The following RASGRF2 variants were observed in gnomAD, a reference collection of about 807,000 sequenced individuals.
RASGRF2 encodes ras-specific guanine nucleotide-releasing factor 2.
In RASGRF2, 76 loss-of-function variants were observed where a neutral mutation model predicts 151.0. The observed-to-expected ratio is 0.50, with a 90% CI of 0.42 to 0.61. The LOEUF is 0.61. Among genes scored for constraint, RASGRF2 ranks in the 20% least tolerant of loss-of-function variants. The probability of loss-of-function intolerance (pLI) is 0.00; values close to 1 mark genes in which losing one functional copy is unlikely to be tolerated. For synonymous variants in RASGRF2, 504 were observed against 566.5 expected, an observed-to-expected ratio of 0.89 and a Z score of 1.57; for missense variants, 1,148 against 1,564.6, an observed-to-expected ratio of 0.73 and a Z score of 4.49.
intron 2 of RASGRF2, among the ~76,000 whole-genome samples, chr5:81,053,380 G>A (rs1206053780): frequency 6.7e-6 from 1 of 149,302 alleles, no homozygotes; most frequent in Non-Finnish European, 1.5e-5. Flanking sequence ...GCGGTGTTTG[G>A]TTTTTTGCTC....
At chr5:81,203,825 T>A (rs1755447923) in intron 19 of RASGRF2, among the ~76,000 whole-genome samples, 1 of 152,242 alleles carries the variant, frequency 6.6e-6, no homozygotes, top group Admixed American at 6.5e-5. Flanking sequence ...TTAGCACTCG[T>A]AGTAAAGTGA....
chr5:81,056,727 G>A (rs1002944163), intron 2 of RASGRF2, among the ~76,000 whole-genome samples: 1 of 152,140 alleles, frequency 6.6e-6, no homozygotes, highest in African/African-American at 2.4e-5. Context: ...TGACAGTGTG[G>A]TGTTAACGTC....
chr5:81,074,726 C>T (rs1260852640), intron 5 of RASGRF2, among the ~76,000 whole-genome samples: 1 of 151,992 alleles, frequency 6.6e-6, no homozygotes, highest in East Asian at 1.9e-4. Context: ...TGTGAATGTA[C>T]CATAGTTTTT....
At chr5:81,225,653 G>A (rs766220874) in intron 26 of RASGRF2, 25 bp from the exon 27 acceptor site, 1 of 1,610,444 alleles carries the variant, frequency 6.2e-7, no homozygotes, top group East Asian at 2.2e-5. Flanking sequence ...AGAGGTAAAA[G>A]CTGGGACTTC....
intron 12 of RASGRF2, among the ~76,000 whole-genome samples, chr5:81,104,622 G>A (rs1752794486): frequency 6.6e-6 from 1 of 152,098 alleles, no homozygotes; most frequent in South Asian, 2.1e-4. Context: ...GGTATGAAAA[G>A]CCAGATATAT....
chr5:81,142,485 A>C (rs1387749041), intron 17 of RASGRF2, among the ~76,000 whole-genome samples: 1 of 152,218 alleles, frequency 6.6e-6, no homozygotes, highest in Non-Finnish European at 1.5e-5. Flanking sequence ...TGACATTCAG[A>C]AGTCTAAGGT....
chr5:81,196,094 A>G (rs974147921), intron 18 of RASGRF2, among the ~76,000 whole-genome samples: 1 of 152,194 alleles, frequency 6.6e-6, no homozygotes, highest in Non-Finnish European at 1.5e-5. Flanking sequence ...CCCCATCTCT[A>G]CAAAAAATAC....
chr5:81,073,060 A>G, intron 4 of RASGRF2, 139 bp from the exon 5 acceptor site: 3 of 1,069,148 alleles, frequency 2.8e-6, no homozygotes, highest in Non-Finnish European at 4.0e-6. Flanking sequence ...TTTTCACATC[A>G]TCCCTAGGGA....
intron 17 of RASGRF2, among the ~76,000 whole-genome samples, chr5:81,170,505 A>G (rs1754635587): frequency 6.6e-6 from 1 of 152,158 alleles, no homozygotes; most frequent in Admixed American, 6.5e-5. Context: ...CTGCAGCCAT[A>G]CTGGGCTGCT....
chr5:81,020,887 A>G lies in RASGRF2; in HGVS notation c.289-21990A>G, dbSNP rs894706895. ...CACTCAGTCCTACGAGGTACTTAGC[A>G]TTGTCCTCATTTTGCCCATGAGGAA... On this transcript the variant is annotated intron_variant, in intron 1 of 26. Coordinates refer to ENST00000265080, the MANE Select transcript of RASGRF2 (RefSeq NM_006909.3). Among the ~76,000 whole-genome samples the G allele has an allele frequency of 3.2e-4, 48 of 152,336 alleles. 1 individual carries two copies. The highest frequency in any genetic ancestry group is 1.1e-3 in the African/African-American group (47 of 41,578).
chr5:81,161,793 C>T (rs1754389762), intron 17 of RASGRF2, among the ~76,000 whole-genome samples: 1 of 152,118 alleles, frequency 6.6e-6, no homozygotes, highest in Non-Finnish European at 1.5e-5. Flanking sequence ...TTAAAATCCT[C>T]ATAATGAAGA....
At chr5:81,178,744 C>CT (rs57705439) in intron 17 of RASGRF2, among the ~76,000 whole-genome samples, 14,752 of 147,392 alleles carry the variant, frequency 0.1, 1,843 homozygotes, top group African/African-American at 0.29. Flanking sequence ...GTATAGACAA[C>CT]TTTTTTTTTT....
intron 18 of RASGRF2, among the ~76,000 whole-genome samples, chr5:81,191,185 A>G (rs1464046562): frequency 6.6e-6 from 1 of 152,074 alleles, no homozygotes; most frequent in African/African-American, 2.4e-5. Flanking sequence ...AGCTGACTTA[A>G]CATTTGTGTT....
chr5:81,058,070 T>C (rs1019174921), intron 2 of RASGRF2, among the ~76,000 whole-genome samples: 6 of 152,068 alleles, frequency 3.9e-5, no homozygotes, highest in African/African-American at 1.5e-4. Context: ...AATACATGAT[T>C]ATTAATTCTT....
chr5:81,151,039 A>G (rs2112619608), intron 17 of RASGRF2, among the ~76,000 whole-genome samples: 1 of 152,326 alleles, frequency 6.6e-6, no homozygotes, highest in East Asian at 1.9e-4. Flanking sequence ...TATTTTATTA[A>G]AGTTTAATAT....
At chr5:81,221,045 G>A (rs1755846965) in intron 26 of RASGRF2, among the ~76,000 whole-genome samples, 1 of 152,126 alleles carries the variant, frequency 6.6e-6, no homozygotes, top group African/African-American at 2.4e-5. Context: ...ATGGGTTATT[G>A]GAAGGAAGAC....
chr5:81,157,725 A>C (rs1055949044), intron 17 of RASGRF2, among the ~76,000 whole-genome samples: 2 of 152,246 alleles, frequency 1.3e-5, no homozygotes, highest in African/African-American at 4.8e-5. Context: ...GGGCAGCAGA[A>C]GAGAGAATGA....
At chr5:81,203,751 GGTT>G (rs1335222415) in intron 19 of RASGRF2, among the ~76,000 whole-genome samples, 6 of 152,192 alleles carry the variant, frequency 3.9e-5, no homozygotes, top group African/African-American at 1.4e-4. Context: ...TACTTCATTA[GGTT>G]GTTGTGAAGA....
intron 1 of RASGRF2, among the ~76,000 whole-genome samples, chr5:81,025,384 C>T (rs1004869213): frequency 6.6e-6 from 1 of 152,212 alleles, no homozygotes. Flanking sequence ...TTAGCAAGCT[C>T]GTTGGAGCTC....
Sources: allele counts gnomAD v4.1 joint callset (sites outside exome capture counted in the v4.1 genomes callset), GRCh38; gene constraint gnomAD v4.1.1; transcripts MANE v1.5; gene names NCBI Gene and HGNC (gene_info 2026-07-23, HGNC 2026-07-21).